RAPGEF6: variants seen among roughly 807,000 people sequenced by gnomAD.
RAPGEF6 encodes the protein Rap guanine nucleotide exchange factor 6, also known as PDZ domain containing guanine nucleotide exchange factor (GEF) 2.
Under a neutral mutation model 171.4 loss-of-function variants are expected in RAPGEF6, and 56 were observed. That is an observed-to-expected ratio of 0.33 (90% CI 0.26 to 0.41). RAPGEF6 has a LOEUF of 0.41. Among genes scored for constraint, RAPGEF6 ranks in the 10% least tolerant of loss-of-function variants. RAPGEF6 has a pLI of 1.00. For missense variants in RAPGEF6, 1,674 were observed against 1,921.4 expected, an observed-to-expected ratio of 0.87 and a Z score of 2.41; for synonymous variants, 692 against 650.1, an observed-to-expected ratio of 1.06 and a Z score of -0.98.
At chr5:131,456,222 A>G (rs541753569) in intron 19 of RAPGEF6, among the ~76,000 whole-genome samples, 1 of 152,212 alleles carries the variant, frequency 6.6e-6, no homozygotes, top group Non-Finnish European at 1.5e-5. Context: ...ATGCTTGCCT[A>G]TAGTTCTATA....
intron 6 of RAPGEF6, among the ~76,000 whole-genome samples, chr5:131,544,362 C>T (rs1014344003): frequency 6.6e-6 from 1 of 151,772 alleles, no homozygotes; most frequent in African/African-American, 2.4e-5. Context: ...ATAATACCCA[C>T]AAGAGAGGGG....
intron 7 of RAPGEF6, among the ~76,000 whole-genome samples, chr5:131,514,003 G>C (rs982453930): frequency 1.3e-5 from 2 of 152,134 alleles, no homozygotes; most frequent in African/African-American, 4.8e-5. Flanking sequence ...ACTCCAGCCT[G>C]GGTGACAGTG....
intron 5 of RAPGEF6, among the ~76,000 whole-genome samples, chr5:131,555,955 G>A (rs1045284582): frequency 2.0e-5 from 3 of 152,080 alleles, no homozygotes; most frequent in Non-Finnish European, 4.4e-5. Flanking sequence ...CCTATTGGTC[G>A]TAAGCTACCA....
intron 6 of RAPGEF6, among the ~76,000 whole-genome samples, chr5:131,541,490 T>C (rs1190800119): frequency 6.6e-6 from 1 of 151,994 alleles, no homozygotes; most frequent in Non-Finnish European, 1.5e-5. Context: ...TGCCATATAC[T>C]CTCAAGATTC....
intron 19 of RAPGEF6, 52 bp from the exon 20 acceptor site, chr5:131,456,064 G>A: frequency 7.0e-7 from 1 of 1,424,490 alleles, no homozygotes. Context: ...GAAAGGGGTG[G>A]ACTCAGGTCA....
chr5:131,442,511 A>C lies in RAPGEF6; in HGVS notation c.3448T>G (p.Ser1150Ala). 10 of 1,614,014 alleles carry C rather than the reference A, an allele frequency of 6.2e-6. No individual in the cohort carries two copies. Among genetic ancestry groups the C allele is most frequent in the African/African-American group, 1.3e-5 (1 of 75,044 alleles). The change falls in exon 23 of 28, where the codon TCA becomes GCA. Residue 1150 changes from serine to alanine, a missense_variant. This residue lies in a region of RAPGEF6 where 552 missense variants were observed against 574.2 expected (regional missense o/e 0.96). Coordinates refer to ENST00000509018, the MANE Select transcript of RAPGEF6 (RefSeq NM_016340.6). ...TLTKNLSEKR[S>A]AKSSEMSPVP... ...GGAGACATTTCAGATGATTTGGCTGATCTTTTCTCACTTAAATTCTTGGTC... is the reference window on the plus strand; with the variant it reads ...GGAGACATTTCAGATGATTTGGCTGCTCTTTTCTCACTTAAATTCTTGGTC...
chr5:131,444,871 A>C (rs911461904), intron 22 of RAPGEF6, among the ~76,000 whole-genome samples: 1 of 152,170 alleles, frequency 6.6e-6, no homozygotes, highest in African/African-American at 2.4e-5. Flanking sequence ...AAATATGTAC[A>C]TGGCTTTGAA....
At chr5:131,464,317 A>T (rs748547498) in intron 17 of RAPGEF6, 36 bp from the exon 18 acceptor site, 457 of 1,572,506 alleles carry the variant, frequency 2.9e-4, no homozygotes, top group Non-Finnish European at 3.5e-4. Context: ...GTTATTTTTT[A>T]AAAAAATCAC....
intron 15 of RAPGEF6, among the ~76,000 whole-genome samples, chr5:131,485,250 T>C (rs943670901): frequency 5.3e-5 from 8 of 152,136 alleles, no homozygotes; most frequent in African/African-American, 1.9e-4. Context: ...TTAAAGATTT[T>C]AGAAAGCTGT....
At chr5:131,570,041 CAAAAAAAAAAA>C (rs34729268) in intron 4 of RAPGEF6, among the ~76,000 whole-genome samples, 6 of 27,474 alleles carry the variant, frequency 2.2e-4, no homozygotes, top group Admixed American at 6.7e-4. Flanking sequence ...GACTCTGTCT[CAAAAAAAAAAA>C]AAAAAAAAAA....
intron 7 of RAPGEF6, among the ~76,000 whole-genome samples, chr5:131,517,180 G>T (rs1375471528): frequency 1.3e-5 from 2 of 152,128 alleles, no homozygotes; most frequent in African/African-American, 4.8e-5. Context: ...CACTATCTGG[G>T]TGATGGGATC....
chr5:131,548,143 A>G lies in RAPGEF6; in HGVS notation c.399T>C (p.Ile133=). The change falls in exon 6 of 28, where the codon ATT becomes ATC. Residue 133 remains isoleucine (I), a synonymous_variant. Transcript: ENST00000509018. ...ATCTTCTTCGGGATTGTCTGGCAGG[A>G]ATTTCTCTTTGTAGAATACTATCTT... ...DNEDSILQRE[I]PARQSRRRFR... 2.5e-5 allele frequency: 41 copies of G among 1,613,938 alleles called. No homozygotes were observed. Among genetic ancestry groups the G allele is most frequent in the Non-Finnish European group, 3.3e-5 (39 of 1,179,902 alleles).
At chr5:131,469,827 AAAAAT>A (rs1754622781) in intron 17 of RAPGEF6, 1 of 1,521,146 alleles carries the variant, frequency 6.6e-7, no homozygotes. Flanking sequence ...TGTATGCAGC[AAAAAT>A]AAAGCAAAAT....
At chr5:131,514,433 G>GTAA in intron 7 of RAPGEF6, among the ~76,000 whole-genome samples, 1 of 151,916 alleles carries the variant, frequency 6.6e-6, no homozygotes, top group South Asian at 2.1e-4. Context: ...TTTTTTCAAC[G>GTAA]TAATATCCAC....
At chr5:131,516,941 A>G (rs1444083271) in intron 7 of RAPGEF6, among the ~76,000 whole-genome samples, 1 of 152,228 alleles carries the variant, frequency 6.6e-6, no homozygotes, top group East Asian at 1.9e-4. Flanking sequence ...ACTCTCAAGA[A>G]GGAAATGCAT....
intron 21 of RAPGEF6, among the ~76,000 whole-genome samples, chr5:131,449,568 A>T (rs1276658251): frequency 6.6e-6 from 1 of 152,128 alleles, no homozygotes; most frequent in Admixed American, 6.5e-5. Flanking sequence ...AGTGGTGTGA[A>T]CTCTAGAACT....
chr5:131,472,545 T>C, intron 17 of RAPGEF6, 42 bp downstream of exon 17: 1 of 1,582,778 alleles, frequency 6.3e-7, no homozygotes, highest in Non-Finnish European at 8.7e-7. Context: ...ATTTGTTCAT[T>C]TGGTACCAAT....
At chr5:131,522,397 G>T (rs1758556272) in intron 6 of RAPGEF6, among the ~76,000 whole-genome samples, 1 of 151,878 alleles carries the variant, frequency 6.6e-6, no homozygotes, top group African/African-American at 2.4e-5. Context: ...TGCTATTCAG[G>T]GCTATCAAAA....
intron 4 of RAPGEF6, among the ~76,000 whole-genome samples, chr5:131,564,758 T>G (rs1010097462): frequency 6.6e-5 from 10 of 152,284 alleles, no homozygotes; most frequent in African/African-American, 2.4e-4. Context: ...CTATGTGTGT[T>G]TTGTATGTTA....
Sources: gnomAD v4.1 joint callset for allele counts (sites outside exome capture counted in the v4.1 genomes callset) on GRCh38, gnomAD v4.1.1 for gene constraint, gnomAD v4.1.1 regional missense constraint, MANE v1.5 for transcripts, NCBI Gene and HGNC (gene_info 2026-07-23, HGNC 2026-07-21) for gene names.